SOBP: variants seen among roughly 807,000 people sequenced by gnomAD.
The protein encoded by SOBP is sine oculis binding protein homolog.
SOBP carries 4 observed loss-of-function variants against 53.6 expected under a neutral mutation model. The ratio of observed to expected loss-of-function variants is 0.07; its 90% CI spans 0.04 to 0.17. SOBP has a LOEUF of 0.17. Among genes scored for constraint, SOBP ranks in the 10% least tolerant of loss-of-function variants. SOBP has a pLI of 1.00. For synonymous variants in SOBP, 584 were observed against 522.6 expected (o/e 1.12, Z -1.60); for missense variants, 1,088 against 1,204.7 (o/e 0.90, Z 1.43).
chr6:107,538,306 G>A (rs1784060838), intron 4 of SOBP, among the ~76,000 whole-genome samples: 1 of 152,152 alleles, frequency 6.6e-6, no homozygotes, highest in Non-Finnish European at 1.5e-5. Flanking sequence ...TTAATCTAGT[G>A]ATTAACCTGT....
At chr6:107,498,670 G>T (rs1463789902) in intron 1 of SOBP, among the ~76,000 whole-genome samples, 1 of 152,152 alleles carries the variant, frequency 6.6e-6, no homozygotes, top group African/African-American at 2.4e-5. Flanking sequence ...GAATATCCTG[G>T]CAGTGTAAGA....
chr6:107,501,367 G>A (rs995718037), intron 1 of SOBP, among the ~76,000 whole-genome samples: 2 of 152,316 alleles, frequency 1.3e-5, no homozygotes, highest in South Asian at 4.1e-4. Context: ...CCTTGGCTAG[G>A]GGGTTGCTCC....
In SOBP at chr6:107,503,779, C is replaced by T. The variant is rs759344534; in HGVS notation, c.219C>T (p.His73=). The change falls in exon 2 of 7, where the codon CAC becomes CAT. Residue 73 remains histidine (H), a synonymous_variant. Transcript: ENST00000317357. ...SYPTDGESRQ[H]ISVLKENSLP... is the part of the protein sequence containing the mutation. ...CTACAGATGGGGAGAGCCGGCAGCA[C>T]ATTTCTGTTCTCAAAGGTAATGACA... 11 of 1,613,980 alleles carry T rather than the reference C, an allele frequency of 6.8e-6. No individual in the cohort carries two copies. Among genetic ancestry groups the T allele is most frequent in the Non-Finnish European group, 9.3e-6 (11 of 1,180,022 alleles).
rs117829259 is a variant in SOBP at position 107,499,311 on chromosome 6, C to G, written c.97-4346C>G. On this transcript the variant is annotated intron_variant, in intron 1 of 6. Coordinates refer to ENST00000317357, the MANE Select transcript of SOBP (RefSeq NM_018013.4). Reference sequence around the variant, plus strand: ...ATTTTCTGTCGTGAAAAGAGGATGTCATATAGGTTCACCAAAAGTTTATTG... The same window carrying G: ...ATTTTCTGTCGTGAAAAGAGGATGTGATATAGGTTCACCAAAAGTTTATTG... Among the ~76,000 whole-genome samples, 14 of 152,160 alleles carry G rather than the reference C, an allele frequency of 9.2e-5. No individual in the cohort carries two copies. In the East Asian group the frequency reaches 2.7e-3, roughly 29 times the overall value.
chr6:107,518,043 C>G (rs1783371357), intron 3 of SOBP, among the ~76,000 whole-genome samples: 1 of 152,028 alleles, frequency 6.6e-6, no homozygotes. Context: ...AAGAAAAAAT[C>G]TTTCCAAAGA....
Position 107,634,590 on chromosome 6 carries a change from G to T in SOBP, c.1746G>T (p.Leu582=). The change falls in exon 6 of 7, where the codon CTG becomes CTT. Residue 582 remains leucine (L), a synonymous_variant. Coordinates refer to ENST00000317357, the MANE Select transcript of SOBP (RefSeq NM_018013.4). This position sits in a 1 kb window ranked among gnomAD's most constrained non-coding sequence, Gnocchi z 4.5. ...GCGGCAAGCCAAGCGGACACTCCCT[G>T]TCCCCCCGGGACTCCAAGCAGGGCT... ...AAGGKPSGHS[L]SPRDSKQGSS... 1 of 1,602,632 alleles carries T rather than the reference G, an allele frequency of 6.2e-7. No individual in the cohort carries two copies. Among genetic ancestry groups the T allele is most frequent in the African/African-American group, 1.3e-5 (1 of 74,948 alleles).
chr6:107,550,815 T>G (rs1421026333), intron 4 of SOBP, among the ~76,000 whole-genome samples: 1 of 152,244 alleles, frequency 6.6e-6, no homozygotes, highest in African/African-American at 2.4e-5. Context: ...CTTACTGTCA[T>G]TCCCATGTTG....
At chr6:107,655,688 T>G (rs1430775919) in intron 6 of SOBP, among the ~76,000 whole-genome samples, 1 of 152,154 alleles carries the variant, frequency 6.6e-6, no homozygotes, top group East Asian at 1.9e-4. Context: ...TAATGATTAT[T>G]ATAGTGTTTG....
At chr6:107,649,699 G>C (rs1053742176) in intron 6 of SOBP, among the ~76,000 whole-genome samples, 1 of 151,162 alleles carries the variant, frequency 6.6e-6, no homozygotes, top group Non-Finnish European at 1.5e-5. Context: ...AAAGAAAAAA[G>C]AAAACTACAC....
At position 107,658,466 on chromosome 6, in the gene SOBP, CT is replaced by C. The variant is rs1240805816; in HGVS notation, c.*265del. Reference sequence around the variant, plus strand: ...CCATCTCTGCTTCTCCCCAGAGGAACTTAGGGATTTCACCCCTGGCTTTTAA... The same window carrying C: ...CCATCTCTGCTTCTCCCCAGAGGAACTAGGGATTTCACCCCTGGCTTTTAA... On this transcript the variant is annotated 3_prime_UTR_variant, in exon 7 of 7. Transcript: ENST00000317357. 1.3e-5 allele frequency: 2 copies of C among 152,626 alleles called. No homozygotes were observed. Among genetic ancestry groups the C allele is most frequent in the Non-Finnish European group, 2.9e-5 (2 of 68,100 alleles). 9.5% of individuals were successfully genotyped at this position (152,626 alleles called of 1,614,324 possible).
In SOBP at chr6:107,608,183, T is replaced by C. The variant is rs1030913966; in HGVS notation, c.669+21008T>C. Among the ~76,000 whole-genome samples the C allele has an allele frequency of 4.6e-5, 7 of 152,338 alleles. No homozygotes were observed. In the East Asian group the frequency reaches 9.6e-4, roughly 21 times the overall value. On this transcript the variant is annotated intron_variant, in intron 5 of 6. Transcript: ENST00000317357. ...TTACATCTTATACACCATGGTTTTGTTCAGAACTGGGCTTGTCTCTCCTTT... is the reference window on the plus strand; with the variant it reads ...TTACATCTTATACACCATGGTTTTGCTCAGAACTGGGCTTGTCTCTCCTTT...
At chr6:107,639,590 C>G (rs1771219122) in intron 6 of SOBP, among the ~76,000 whole-genome samples, 1 of 152,138 alleles carries the variant, frequency 6.6e-6, no homozygotes, top group Non-Finnish European at 1.5e-5. Flanking sequence ...AATGTATAAA[C>G]ATTTTCCGAA....
At chr6:107,545,340 G>A (rs1784268352) in intron 4 of SOBP, among the ~76,000 whole-genome samples, 1 of 152,160 alleles carries the variant, frequency 6.6e-6, no homozygotes, top group African/African-American at 2.4e-5. Context: ...CCAGGACAGA[G>A]AACTGCTGAT....
chr6:107,583,795 T>C (rs1411492837), intron 4 of SOBP, among the ~76,000 whole-genome samples: 3 of 152,156 alleles, frequency 2.0e-5, no homozygotes, highest in Non-Finnish European at 4.4e-5. Context: ...ATCCTAGAGG[T>C]TGAGTGTTCC....
At chr6:107,616,513 T>C (rs1475987342) in intron 5 of SOBP, among the ~76,000 whole-genome samples, 3 of 152,238 alleles carry the variant, frequency 2.0e-5, no homozygotes, top group Non-Finnish European at 2.9e-5. Context: ...TGGGGACTTT[T>C]CTATTACTGG....
At chr6:107,499,821 T>G (rs906700297) in intron 1 of SOBP, among the ~76,000 whole-genome samples, 2 of 152,238 alleles carry the variant, frequency 1.3e-5, no homozygotes, top group Non-Finnish European at 2.9e-5. Context: ...TATCATAACC[T>G]GCCTTCGTTC....
Position 107,634,536 on chromosome 6 carries a change from G to T in SOBP, c.1692G>T (p.Pro564=). Residue 564 remains proline (P), a synonymous_variant, in exon 6 of 7, where the codon CCG becomes CCT. Coordinates refer to ENST00000317357, the MANE Select transcript of SOBP (RefSeq NM_018013.4). This position sits in a 1 kb window ranked among gnomAD's most constrained non-coding sequence, Gnocchi z 4.5. ...CCAGCAACGGGGAGAACTTCATTCCGAACGCCCCTGGCGACTCCGCGGCGG... is the reference window on the plus strand; with the variant it reads ...CCAGCAACGGGGAGAACTTCATTCCTAACGCCCCTGGCGACTCCGCGGCGG... ...GFSSNGENFI[P]NAPGDSAAAG... 1 of 1,609,994 alleles carries T rather than the reference G, an allele frequency of 6.2e-7. No homozygotes were observed. The highest frequency in any genetic ancestry group is 8.5e-7 in the Non-Finnish European group (1 of 1,179,850).
chr6:107,503,417 C>T (rs1257358900), intron 1 of SOBP, among the ~76,000 whole-genome samples: 1 of 152,078 alleles, frequency 6.6e-6, no homozygotes, highest in East Asian at 1.9e-4. Flanking sequence ...TATAGTTAGT[C>T]TTTTTTGTCT....
At position 107,628,497 on chromosome 6, in the gene SOBP, T is replaced by A. The variant is rs538817194; in HGVS notation, c.670-5017T>A. The stretch of plus-strand genomic sequence containing the variant: ...CAGTGGATGAAAATCTCCCTTTCCC[T>A]CTTCCTGCAGCCATAGAAGCATCCT... On this transcript the variant is annotated intron_variant, in intron 5 of 6. Transcript: ENST00000317357. Among the ~76,000 whole-genome samples, 5 of 152,322 alleles carry A rather than the reference T, an allele frequency of 3.3e-5. No homozygotes were observed. In the South Asian group the frequency reaches 1.0e-3, roughly 32 times the overall value.
Sources: gnomAD v4.1 joint callset for allele counts (sites outside exome capture counted in the v4.1 genomes callset) on GRCh38, gnomAD v4.1.1 for gene constraint, Gnocchi (gnomAD v3.1) non-coding constraint, MANE v1.5 for transcripts, NCBI Gene and HGNC (gene_info 2026-07-23, HGNC 2026-07-21) for gene names.